The following ZBTB20 variants were observed in gnomAD, a reference collection of about 807,000 sequenced individuals.
ZBTB20 encodes zinc finger and BTB domain-containing protein 20.
In ZBTB20, 9 loss-of-function variants were observed where a neutral mutation model predicts 56.9. That is an observed-to-expected ratio of 0.16 (90% confidence interval 0.10 to 0.28). The LOEUF is 0.28. Among genes scored for constraint, ZBTB20 ranks in the 10% least tolerant of loss-of-function variants. The probability of loss-of-function intolerance (pLI) is 1.00; values close to 1 mark genes in which losing one functional copy is unlikely to be tolerated. For synonymous variants in ZBTB20, 417 were observed against 420.7 expected (o/e 0.99, Z 0.11); for missense variants, 655 against 1,003.0 (o/e 0.65, Z 4.69).
chr3:114,746,078 T>C (rs1420587388), intron 5 of ZBTB20, among the ~76,000 whole-genome samples: 2 of 152,196 alleles, frequency 1.3e-5, no homozygotes, highest in Non-Finnish European at 2.9e-5. Flanking sequence ...TCATCCTGAT[T>C]TGGTTTACTC....
At position 114,332,819 on chromosome 3, in the gene ZBTB20, G is replaced by A. The variant is rs2079310093; in HGVS notation, c.*6186C>T. 6.6e-6 allele frequency: 1 copy of A among 152,178 alleles called. No individual in the cohort carries two copies. The highest frequency in any genetic ancestry group is 1.5e-5 in the Non-Finnish European group (1 of 68,026). 9.4% of individuals were successfully genotyped at this position (152,178 alleles called of 1,614,324 possible). A position where few individuals can be genotyped will look rare whatever the true frequency, so the allele number is the denominator to read the frequency against. On this transcript the variant is annotated 3_prime_UTR_variant, in exon 12 of 12. Transcript: ENST00000675478. ...GTCTACAGTTTACGGAGCAAAAGGT[G>A]GAGCCTAAAGAAACCACTGGCAGGT...
At chr3:115,093,864 A>G (rs1489980795) in intron 1 of ZBTB20, among the ~76,000 whole-genome samples, 1 of 152,166 alleles carries the variant, frequency 6.6e-6, no homozygotes. Flanking sequence ...TGGAGTGCAG[A>G]GGGAATTTAT....
intron 3 of ZBTB20, among the ~76,000 whole-genome samples, chr3:114,957,095 A>G (rs2077272800): frequency 6.6e-6 from 1 of 152,204 alleles, no homozygotes; most frequent in Admixed American, 6.5e-5. Context: ...TCCAAAACAA[A>G]ATTTGGACAA....
intron 2 of ZBTB20, among the ~76,000 whole-genome samples, chr3:115,004,646 G>A (rs1033454946): frequency 5.9e-5 from 9 of 151,570 alleles, no homozygotes; most frequent in Non-Finnish European, 1.2e-4. Flanking sequence ...AATATTCAGC[G>A]TATTCTTCTC....
intron 4 of ZBTB20, among the ~76,000 whole-genome samples, chr3:114,890,749 TA>T (rs796698178): frequency 3.9e-5 from 6 of 152,014 alleles, no homozygotes; most frequent in East Asian, 1.9e-4. Context: ...TAAAGTATAA[TA>T]AAAAAGGAAG....
chr3:114,385,327 A>G (rs1388966046), intron 8 of ZBTB20, among the ~76,000 whole-genome samples: 4 of 152,272 alleles, frequency 2.6e-5, no homozygotes, highest in African/African-American at 9.6e-5. Flanking sequence ...TAAGGGTGGT[A>G]GCGGAACTGC....
At chr3:114,792,986 C>T (rs1453380804) in intron 5 of ZBTB20, among the ~76,000 whole-genome samples, 1 of 151,238 alleles carries the variant, frequency 6.6e-6, no homozygotes, top group East Asian at 2.0e-4. Flanking sequence ...AGTGATTCTC[C>T]TGCCTCAGCC....
chr3:115,042,384 T>C (rs2081177297), intron 2 of ZBTB20, among the ~76,000 whole-genome samples: 1 of 152,238 alleles, frequency 6.6e-6, no homozygotes, highest in South Asian at 2.1e-4. Context: ...TCAGTTCATC[T>C]GCAAATTAGT....
chr3:114,501,621 C>T (rs2043977004), intron 6 of ZBTB20, among the ~76,000 whole-genome samples: 3 of 124,918 alleles, frequency 2.4e-5, no homozygotes, highest in Admixed American at 8.1e-5. Flanking sequence ...AGCAAAACTC[C>T]GTCAAAAAAA....
At chr3:114,421,951 A>G (rs950033121) in intron 7 of ZBTB20, among the ~76,000 whole-genome samples, 2 of 151,964 alleles carry the variant, frequency 1.3e-5, no homozygotes, top group South Asian at 2.1e-4. Flanking sequence ...TCTTAGTGCA[A>G]TCTCCCATGG....
chr3:114,522,045 C>T (rs2045778), intron 6 of ZBTB20, among the ~76,000 whole-genome samples: 8,642 of 151,392 alleles, frequency 0.057, 316 homozygotes, highest in Middle Eastern at 0.16. Context: ...CAAACAAAAC[C>T]GAAAAAAACC....
intron 2 of ZBTB20, among the ~76,000 whole-genome samples, chr3:115,057,852 G>T (rs923155029): frequency 6.6e-6 from 1 of 152,036 alleles, no homozygotes; most frequent in Non-Finnish European, 1.5e-5. Flanking sequence ...CCGTTCTCAT[G>T]CTGCTAATAA....
intron 4 of ZBTB20, among the ~76,000 whole-genome samples, chr3:114,894,943 G>T (rs1027438339): frequency 6.6e-6 from 1 of 152,146 alleles, no homozygotes; most frequent in South Asian, 2.1e-4. Flanking sequence ...TACCTCTGGT[G>T]AGTAATAATC....
intron 3 of ZBTB20, among the ~76,000 whole-genome samples, chr3:114,963,132 T>C (rs2077517305): frequency 6.6e-6 from 1 of 152,138 alleles, no homozygotes. Context: ...GTTTTATTTA[T>C]GAATATAGCC....
chr3:115,062,156 C>T (rs2082033766), intron 2 of ZBTB20, among the ~76,000 whole-genome samples: 1 of 152,194 alleles, frequency 6.6e-6, no homozygotes, highest in Admixed American at 6.5e-5. Flanking sequence ...TTGCCCTTCA[C>T]TGCCTGGAGA....
At chr3:114,570,104 A>G (rs1272157803) in intron 6 of ZBTB20, among the ~76,000 whole-genome samples, 1 of 152,196 alleles carries the variant, frequency 6.6e-6, no homozygotes, top group Non-Finnish European at 1.5e-5. Flanking sequence ...AATTTGCAAT[A>G]AGGATAACAA....
At chr3:114,345,042 AAAG>A (rs1434569990) in intron 11 of ZBTB20, among the ~76,000 whole-genome samples, 1 of 152,244 alleles carries the variant, frequency 6.6e-6, no homozygotes, top group Non-Finnish European at 1.5e-5. Flanking sequence ...GCAAATAAAA[AAAG>A]AGAAAAAACA....
intron 1 of ZBTB20, among the ~76,000 whole-genome samples, chr3:115,113,586 A>C (rs979450469): frequency 7.9e-5 from 12 of 152,250 alleles, no homozygotes; most frequent in African/African-American, 2.9e-4. Flanking sequence ...GAACAATGCA[A>C]GTGCAGAACA....
At chr3:114,840,356 T>C (rs1203040575) in intron 4 of ZBTB20, among the ~76,000 whole-genome samples, 1 of 152,250 alleles carries the variant, frequency 6.6e-6, no homozygotes, top group Admixed American at 6.5e-5. Flanking sequence ...AAGGTATTAA[T>C]TAGAACATAT....
Sources: gnomAD v4.1 joint callset for allele counts (sites outside exome capture counted in the v4.1 genomes callset) on GRCh38, gnomAD v4.1.1 for gene constraint, MANE v1.5 for transcripts, NCBI Gene and HGNC (gene_info 2026-07-23, HGNC 2026-07-21) for gene names.